The following CTTNBP2NL variants were observed in gnomAD, a reference collection of about 807,000 sequenced individuals.
CTTNBP2NL encodes CTTNBP2 N-terminal-like protein.
In CTTNBP2NL, 16 loss-of-function variants were observed where a neutral mutation model predicts 32.5. The ratio of observed to expected loss-of-function variants is 0.49; its 90% CI spans 0.33 to 0.75. The LOEUF (loss-of-function observed/expected upper bound fraction) is 0.75, where lower values mean the gene tolerates loss of function less well. Among genes scored for constraint, CTTNBP2NL ranks in the 30% least tolerant of loss-of-function variants. The probability of loss-of-function intolerance (pLI) is 0.02; values close to 1 mark genes in which losing one functional copy is unlikely to be tolerated. For missense variants in CTTNBP2NL, 645 were observed against 756.0 expected (o/e 0.85, Z 1.72); for synonymous variants, 298 against 289.4 (o/e 1.03, Z -0.30).
intron 1 of CTTNBP2NL, among the ~76,000 whole-genome samples, chr1:112,403,766 A>G (rs757922154): frequency 5.3e-5 from 8 of 152,206 alleles, no homozygotes; most frequent in Non-Finnish European, 1.0e-4. Context: ...TTTCCCAAGT[A>G]TTGTGCAGAT....
chr1:112,452,335 CTTTTTTTTTT>C (rs1157736195), intron 4 of CTTNBP2NL, among the ~76,000 whole-genome samples: 2 of 65,688 alleles, frequency 3.0e-5, no homozygotes, highest in African/African-American at 1.2e-4. Context: ...CCAGTCTCTT[CTTTTTTTTTT>C]TTTTTTTTTT....
chr1:112,392,278 T>C (rs1648206794), upstream of CTTNBP2NL, among the ~76,000 whole-genome samples: 1 of 152,190 alleles, frequency 6.6e-6, no homozygotes, highest in Admixed American at 6.5e-5. Context: ...AGGGGACTGT[T>C]AATATCTATC....
intron 3 of CTTNBP2NL, among the ~76,000 whole-genome samples, chr1:112,422,473 G>A (rs1649260987): frequency 6.6e-6 from 1 of 152,150 alleles, no homozygotes; most frequent in African/African-American, 2.4e-5. Flanking sequence ...GGCTTTGTGT[G>A]GATATATGCT....
At chr1:112,392,946 C>T (rs1648221319), upstream of CTTNBP2NL, among the ~76,000 whole-genome samples, 3 of 152,222 alleles carry the variant, frequency 2.0e-5, no homozygotes, top group South Asian at 6.2e-4. Flanking sequence ...CAACCTCCAT[C>T]TCCTGGGTTC....
intron 1 of CTTNBP2NL, among the ~76,000 whole-genome samples, chr1:112,402,372 C>T (rs952734870): frequency 8.6e-5 from 13 of 151,984 alleles, no homozygotes; most frequent in African/African-American, 2.9e-4. Context: ...GAGCCAAGAT[C>T]GCGCCATTGC....
At chr1:112,402,458 A>G (rs183163766) in intron 1 of CTTNBP2NL, among the ~76,000 whole-genome samples, 164 of 152,320 alleles carry the variant, frequency 1.1e-3, no homozygotes, top group African/African-American at 3.6e-3. Context: ...GAGAACAGAA[A>G]GTAGAAGCAG....
intron 3 of CTTNBP2NL, among the ~76,000 whole-genome samples, chr1:112,448,284 T>A (rs1391926260): frequency 6.6e-6 from 1 of 152,212 alleles, no homozygotes; most frequent in Non-Finnish European, 1.5e-5. Flanking sequence ...ATGAGGTGCC[T>A]CCATCCTCCT....
intron 1 of CTTNBP2NL, among the ~76,000 whole-genome samples, chr1:112,407,966 T>C (rs1403427539): frequency 1.4e-5 from 2 of 147,088 alleles, no homozygotes; most frequent in Non-Finnish European, 3.0e-5. Flanking sequence ...TGCCTCAGCC[T>C]ACCAAGTAGC....
rs1466426520 is a variant in CTTNBP2NL at position 112,416,293 on chromosome 1, C to A, written c.99+29C>A. 4 of 1,059,738 alleles carry A rather than the reference C, an allele frequency of 3.8e-6. No homozygotes were observed. The South Asian group carries it at 4.1e-5, about 11-fold the overall frequency. The allele number at this position is 1,059,738 out of a possible 1,614,324, so 65.6% of individuals were successfully genotyped here. A position where few individuals can be genotyped will look rare whatever the true frequency, so the allele number is the denominator to read the frequency against. On this transcript the variant is annotated intron_variant, in intron 3 of 5. Coordinates refer to ENST00000271277, the MANE Select transcript of CTTNBP2NL (RefSeq NM_018704.3). ...TGTTAAAAGAAAAAAAAAAAGAGGT[C>A]ATCATACATTGTGAAAGTCATTCAT...
upstream of CTTNBP2NL, among the ~76,000 whole-genome samples, chr1:112,395,911 G>C (rs1213890075): frequency 1.3e-5 from 2 of 152,188 alleles, no homozygotes; most frequent in African/African-American, 2.4e-5. Flanking sequence ...CACTAGTCAC[G>C]GTCCTGCCCA....
intron 3 of CTTNBP2NL, among the ~76,000 whole-genome samples, chr1:112,433,255 G>GTGTGT (rs1553225724): frequency 4.0e-5 from 6 of 151,312 alleles, no homozygotes; most frequent in Admixed American, 3.3e-4. Flanking sequence ...TTTGTGTGGG[G>GTGTGT]GTGTGTGTGT....
At chr1:112,439,448 A>G (rs1415759719) in intron 3 of CTTNBP2NL, among the ~76,000 whole-genome samples, 1 of 152,152 alleles carries the variant, frequency 6.6e-6, no homozygotes, top group East Asian at 1.9e-4. Context: ...GCTTCAAATA[A>G]ATTTTTAGAG....
Position 112,423,664 on chromosome 1 carries a change from T to C in CTTNBP2NL, c.99+7400T>C, listed in dbSNP as rs565724610. On this transcript the variant is annotated intron_variant, in intron 3 of 5. Transcript: ENST00000271277. ...CTTAACCTTGTCTCATTTCATTCTC[T>C]TAACTGTATCTTTTGAAGAGCAAAA... Among the ~76,000 whole-genome samples, 7 of 152,148 alleles carry C rather than the reference T, an allele frequency of 4.6e-5. No individual in the cohort carries two copies. In the South Asian group the frequency reaches 1.5e-3, roughly 32 times the overall value.
intron 1 of CTTNBP2NL, among the ~76,000 whole-genome samples, chr1:112,397,503 A>G (rs1448295081): frequency 6.6e-6 from 1 of 152,196 alleles, no homozygotes; most frequent in Non-Finnish European, 1.5e-5. Context: ...AGAGGATGAA[A>G]AGTAAGAACA....
chr1:112,447,530 A>T (rs1052960140), intron 3 of CTTNBP2NL, among the ~76,000 whole-genome samples: 4 of 152,134 alleles, frequency 2.6e-5, no homozygotes, highest in African/African-American at 9.7e-5. Context: ...TGCTTTGAAC[A>T]TTTGCCAGCT....
intron 2 of CTTNBP2NL, among the ~76,000 whole-genome samples, chr1:112,412,858 A>G (rs1365459877): frequency 1.3e-5 from 2 of 152,012 alleles, no homozygotes; most frequent in African/African-American, 4.8e-5. Flanking sequence ...ACCTCAAGTG[A>G]TCCTCCCACC....
chr1:112,446,211 A>C (rs1281740142), intron 3 of CTTNBP2NL, among the ~76,000 whole-genome samples: 1 of 133,438 alleles, frequency 7.5e-6, no homozygotes, highest in Non-Finnish European at 1.7e-5. Context: ...AAAAAAAAAA[A>C]ACAACATAGC....
At chr1:112,433,148 T>C (rs1649618238) in intron 3 of CTTNBP2NL, among the ~76,000 whole-genome samples, 1 of 152,218 alleles carries the variant, frequency 6.6e-6, no homozygotes, top group South Asian at 2.1e-4. Flanking sequence ...CAAAATCTAC[T>C]ATAGCACTTT....
Position 112,405,715 on chromosome 1 carries a change from G to A in CTTNBP2NL, c.-133-6479G>A, listed in dbSNP as rs533016048. On this transcript the variant is annotated intron_variant, in intron 1 of 5. Coordinates refer to ENST00000271277, the MANE Select transcript of CTTNBP2NL (RefSeq NM_018704.3). ...TTTCTTCAATATACATATAAATCTT[G>A]CTGACATCATATATGAGAGACAGAG... Among the ~76,000 whole-genome samples, 103 of 152,200 alleles carry A rather than the reference G, an allele frequency of 6.8e-4. No homozygotes were observed. In the South Asian group the frequency reaches 0.021, roughly 32 times the overall value.
Sources: gnomAD v4.1 joint callset for allele counts (sites outside exome capture counted in the v4.1 genomes callset) on GRCh38, gnomAD v4.1.1 for gene constraint, MANE v1.5 for transcripts, NCBI Gene and HGNC (gene_info 2026-07-23, HGNC 2026-07-21) for gene names.